EBF1: variants seen among roughly 807,000 people sequenced by gnomAD.
The protein encoded by EBF1 is EBF transcription factor 1, also known as transcription factor COE1.
In EBF1, 10 loss-of-function variants were observed where a neutral mutation model predicts 68.4. That is an observed-to-expected ratio of 0.15 (90% CI 0.09 to 0.25). The LOEUF (loss-of-function observed/expected upper bound fraction) is 0.25. EBF1 is among the 10% of genes least tolerant of loss of function. EBF1 has a pLI of 1.00. For missense variants in EBF1, 509 were observed against 794.4 expected, an observed-to-expected ratio of 0.64 and a Z score of 4.32; for synonymous variants, 298 against 299.8, an observed-to-expected ratio of 0.99 and a Z score of 0.06.
chr5:158,815,641 T>C (rs971365650), intron 8 of EBF1, among the ~76,000 whole-genome samples: 10 of 152,210 alleles, frequency 6.6e-5, no homozygotes, highest in African/African-American at 2.4e-4. Context: ...TCAGTGCTAT[T>C]GGTGGTGCCA....
chr5:158,742,628 C>A (rs1385877256), intron 10 of EBF1, among the ~76,000 whole-genome samples: 2 of 152,180 alleles, frequency 1.3e-5, no homozygotes, highest in Non-Finnish European at 2.9e-5. Flanking sequence ...AATTCTAAAA[C>A]AGTGTGGCAA....
At chr5:158,737,880 G>A (rs1421832743) in intron 10 of EBF1, among the ~76,000 whole-genome samples, 1 of 152,148 alleles carries the variant, frequency 6.6e-6, no homozygotes, top group Non-Finnish European at 1.5e-5. Context: ...GGAATGCAAA[G>A]AACTTGCATA....
chr5:158,727,133 CCA>C (rs1243353342), intron 11 of EBF1, among the ~76,000 whole-genome samples: 2 of 152,168 alleles, frequency 1.3e-5, no homozygotes, highest in African/African-American at 4.8e-5. Context: ...ACTTGAGAGC[CCA>C]CTCTCTTGGC....
rs750110019 is a variant in EBF1, at chr5:158,777,554, T to TG, written c.910-16dup. ...GGAGTGATCAACTGGAGGAGACATT[T>TG]GGGGGGAAAAATTGTCATTGCAATA... On this transcript the variant is annotated splice_polypyrimidine_tract_variant and intron_variant, in intron 9 of 15. Coordinates refer to ENST00000313708, the MANE Select transcript of EBF1 (RefSeq NM_024007.5). 5 of 1,583,640 alleles carry TG rather than the reference T, an allele frequency of 3.2e-6. No homozygotes were observed. Among genetic ancestry groups the TG allele is most frequent in the Non-Finnish European group, 3.4e-6 (4 of 1,163,832 alleles).
chr5:158,880,862 C>T (rs1480541582), intron 6 of EBF1, among the ~76,000 whole-genome samples: 1 of 152,200 alleles, frequency 6.6e-6, no homozygotes, highest in Non-Finnish European at 1.5e-5. Context: ...CAAGCACGGA[C>T]ATCCCCTGGT....
At chr5:158,821,147 T>C (rs1784738867) in intron 8 of EBF1, among the ~76,000 whole-genome samples, 1 of 146,998 alleles carries the variant, frequency 6.8e-6, no homozygotes, top group Non-Finnish European at 1.5e-5. Context: ...AAAGCACAGA[T>C]TTTTTTTTAA....
At chr5:159,089,815 G>GAAAGAAA (rs1561992371) in intron 4 of EBF1, among the ~76,000 whole-genome samples, 60 of 137,384 alleles carry the variant, frequency 4.4e-4, no homozygotes, top group African/African-American at 1.5e-3. Context: ...AAAGAAAGAA[G>GAAAGAAA]GAAAGAAAGA....
chr5:159,022,053 C>T (rs1256261869), intron 6 of EBF1, among the ~76,000 whole-genome samples: 1 of 24,492 alleles, frequency 4.1e-5, no homozygotes, highest in African/African-American at 1.8e-4. Context: ...TTTGTCAGCA[C>T]GATAAAAAAA....
chr5:158,806,724 C>G (rs17641627), intron 8 of EBF1, among the ~76,000 whole-genome samples: 11,925 of 152,228 alleles, frequency 0.078, 522 homozygotes, highest in South Asian at 0.11. Flanking sequence ...AAATTGACAA[C>G]AATTCTAGCC....
rs532369430 is a variant in EBF1, at chr5:158,809,767, T to C, written c.779-13292A>G. On this transcript the variant is annotated intron_variant, in intron 8 of 15. Coordinates refer to ENST00000313708, the MANE Select transcript of EBF1 (RefSeq NM_024007.5). ...GCTAAACACACACTGAGTCTGAACATCTAACACAAACGATAGCAACACTAT... is the reference window on the plus strand; with the variant it reads ...GCTAAACACACACTGAGTCTGAACACCTAACACAAACGATAGCAACACTAT... Among the ~76,000 whole-genome samples the C allele has an allele frequency of 2.0e-5, 3 of 152,288 alleles. No homozygotes were observed. In the East Asian group the frequency reaches 5.8e-4, roughly 29 times the overall value.
chr5:158,978,102 T>C (rs1278012586), intron 6 of EBF1, among the ~76,000 whole-genome samples: 3 of 152,242 alleles, frequency 2.0e-5, no homozygotes, highest in African/African-American at 7.2e-5. Context: ...GACAGGCTGA[T>C]GGGCCTTGGC....
chr5:158,743,135 A>T (rs1451720641), intron 10 of EBF1, among the ~76,000 whole-genome samples: 2 of 152,220 alleles, frequency 1.3e-5, no homozygotes, highest in Non-Finnish European at 2.9e-5. Flanking sequence ...CCAAAAATAT[A>T]CAAAACTGTA....
chr5:158,851,306 T>A (rs147244802), intron 6 of EBF1, among the ~76,000 whole-genome samples: 21 of 129,660 alleles, frequency 1.6e-4, no homozygotes, highest in African/African-American at 5.8e-4. Flanking sequence ...ACCTAGGAGG[T>A]AGAAGTTGCA....
intron 6 of EBF1, among the ~76,000 whole-genome samples, chr5:158,906,991 C>A (rs1369793141): frequency 6.6e-6 from 1 of 152,194 alleles, no homozygotes; most frequent in Non-Finnish European, 1.5e-5. Flanking sequence ...TTCATTTACT[C>A]AGAAAATATT....
intron 8 of EBF1, among the ~76,000 whole-genome samples, chr5:158,803,352 GTGT>G (rs896448898): frequency 3.8e-5 from 3 of 78,774 alleles, no homozygotes; most frequent in Admixed American, 1.5e-4. Context: ...GTTTTTGCTG[GTGT>G]TTTTTTTTTT....
intron 6 of EBF1, among the ~76,000 whole-genome samples, chr5:158,856,490 C>T (rs1260561594): frequency 6.6e-6 from 1 of 152,138 alleles, no homozygotes; most frequent in East Asian, 1.9e-4. Flanking sequence ...GCCAAGATGA[C>T]TCAGAATACC....
chr5:158,870,821 G>A (rs1796743294), intron 6 of EBF1, among the ~76,000 whole-genome samples: 1 of 152,160 alleles, frequency 6.6e-6, no homozygotes, highest in Non-Finnish European at 1.5e-5. Context: ...ACATAGAGTG[G>A]ACAGGGCATC....
chr5:158,785,836 C>T (rs1179097534), intron 9 of EBF1, among the ~76,000 whole-genome samples: 6 of 152,048 alleles, frequency 3.9e-5, no homozygotes, highest in South Asian at 2.1e-4. Flanking sequence ...ATATAGATAT[C>T]GACATAGACT....
chr5:159,014,728 A>C (rs1283946336), intron 6 of EBF1, among the ~76,000 whole-genome samples: 1 of 152,226 alleles, frequency 6.6e-6, no homozygotes, highest in Non-Finnish European at 1.5e-5. Flanking sequence ...CATGTGACCA[A>C]TTCCTGGCCA....
Sources: allele counts gnomAD v4.1 joint callset (sites outside exome capture counted in the v4.1 genomes callset), GRCh38; gene constraint gnomAD v4.1.1; transcripts MANE v1.5; gene names NCBI Gene and HGNC (gene_info 2026-07-23, HGNC 2026-07-21).